Variants in TMEM120B observed in about 807,000 individuals in gnomAD.
The protein encoded by TMEM120B is transmembrane protein 120B.
A neutral mutation model predicts 55.5 loss-of-function variants in TMEM120B; 31 were observed. That is an observed-to-expected ratio of 0.56 (90% CI 0.42 to 0.75). TMEM120B has a LOEUF of 0.75. TMEM120B is among the 30% of genes least tolerant of loss of function. TMEM120B has a pLI of 0.00. For synonymous variants in TMEM120B, 203 were observed against 176.3 expected (o/e 1.15, Z -1.20); for missense variants, 399 against 425.5 (o/e 0.94, Z 0.55).
At chr12:121,744,508 A>G (rs988881930) in intron 2 of TMEM120B, among the ~76,000 whole-genome samples, 4 of 152,136 alleles carry the variant, frequency 2.6e-5, no homozygotes, top group Non-Finnish European at 5.9e-5. Flanking sequence ...TGCCCTCCCC[A>G]CTGGGGTTGC....
chr12:121,747,165 T>A (rs1873111542), intron 2 of TMEM120B, among the ~76,000 whole-genome samples: 1 of 152,062 alleles, frequency 6.6e-6, no homozygotes, highest in Admixed American at 6.6e-5. Context: ...TTAAGGACTT[T>A]CTGAAAGTCA....
chr12:121,716,147 T>TAA (rs970429226), intron 1 of TMEM120B, among the ~76,000 whole-genome samples: 1 of 142,354 alleles, frequency 7.0e-6, no homozygotes, highest in Non-Finnish European at 1.5e-5. Flanking sequence ...CTACAAACAG[T>TAA]AAAAAAAAAA....
At position 121,724,735 on chromosome 12, in the gene TMEM120B, C is replaced by T. The variant is rs763320850; in HGVS notation, c.69+11771C>T. On this transcript the variant is annotated intron_variant, in intron 1 of 11. Coordinates refer to ENST00000449592, the MANE Select transcript of TMEM120B (RefSeq NM_001080825.2). ...ACGCCATTCTCCTGCCTCAGCCTCT[C>T]GAGTAGCTGGGACTACAGGCGCCCG... Among the ~76,000 whole-genome samples, 64 of 151,624 alleles carry T rather than the reference C, an allele frequency of 4.2e-4. 1 individual carries two copies. The highest frequency in any genetic ancestry group is 1.2e-3 in the East Asian group (6 of 5,146).
At position 121,776,258 on chromosome 12, in the gene TMEM120B, C is replaced by A. The variant is rs1198937965; in HGVS notation, c.*536C>A. ...ATTTTAAGTTCTCAGAGACCCACCG[C>A]GTCTGCCTCGTGCTCTTCTTGCCCC... On this transcript the variant is annotated 3_prime_UTR_variant, in exon 12 of 12. Transcript: ENST00000449592. The A allele has an allele frequency of 2.5e-5, 3 of 118,436 alleles. No homozygotes were observed. The East Asian group carries it at 7.4e-4, about 29-fold the overall frequency. 7.3% of individuals were successfully genotyped at this position (118,436 alleles called of 1,614,324 possible).
At chr12:121,771,170 G>A (rs1045371008) in intron 7 of TMEM120B, among the ~76,000 whole-genome samples, 198 bp downstream of exon 7, 2 of 152,182 alleles carry the variant, frequency 1.3e-5, no homozygotes, top group Non-Finnish European at 2.9e-5. Flanking sequence ...GAATGGTTTC[G>A]GGTGTCCCTG....
At chr12:121,749,693 G>T (rs570816702) in intron 3 of TMEM120B, among the ~76,000 whole-genome samples, 15 of 151,904 alleles carry the variant, frequency 9.9e-5, no homozygotes, top group Non-Finnish European at 1.8e-4. Flanking sequence ...ATCACTTAAG[G>T]TTAGGAGTTC....
intron 2 of TMEM120B, among the ~76,000 whole-genome samples, chr12:121,747,211 C>A (rs1174536042): frequency 1.3e-5 from 2 of 150,866 alleles, no homozygotes; most frequent in Non-Finnish European, 3.0e-5. Context: ...CTCCTCCAAC[C>A]CCGAGAGTTG....
chr12:121,761,764 G>A, intron 6 of TMEM120B, 26 bp downstream of exon 6: 1 of 1,584,530 alleles, frequency 6.3e-7, no homozygotes. Flanking sequence ...GCTTTGTGGG[G>A]AGCACAAGAG....
intron 1 of TMEM120B, among the ~76,000 whole-genome samples, chr12:121,721,001 C>T (rs986113781): frequency 6.6e-6 from 1 of 152,164 alleles, no homozygotes; most frequent in Non-Finnish European, 1.5e-5. Context: ...TCATTAACCT[C>T]ATCTTCCCAC....
intron 1 of TMEM120B, among the ~76,000 whole-genome samples, chr12:121,742,336 G>A (rs900806220): frequency 6.6e-6 from 1 of 152,018 alleles, no homozygotes; most frequent in African/African-American, 2.4e-5. Flanking sequence ...GCCTTGCTTG[G>A]CAGGCAGGGG....
At chr12:121,754,365 T>C (rs1019767641) in intron 5 of TMEM120B, among the ~76,000 whole-genome samples, 119 of 152,248 alleles carry the variant, frequency 7.8e-4, no homozygotes, top group African/African-American at 2.6e-3. Context: ...CCCGAGGGCC[T>C]GGGCGTCTCT....
intron 1 of TMEM120B, among the ~76,000 whole-genome samples, chr12:121,725,242 C>T (rs1294603844): frequency 6.6e-6 from 1 of 152,046 alleles, no homozygotes; most frequent in African/African-American, 2.4e-5. Flanking sequence ...TCTATCAGTG[C>T]CCCCAGCACT....
At chr12:121,729,140 A>G (rs1360123366) in intron 1 of TMEM120B, among the ~76,000 whole-genome samples, 1 of 152,208 alleles carries the variant, frequency 6.6e-6, no homozygotes, top group Admixed American at 6.6e-5. Context: ...GATGTTAACC[A>G]GAAGGGGAAT....
At chr12:121,748,559 C>G in intron 3 of TMEM120B, 117 bp downstream of exon 3, 2 of 696,816 alleles carry the variant, frequency 2.9e-6, no homozygotes, top group Non-Finnish European at 4.8e-6. Context: ...AAGAGGGAAA[C>G]AAGGGCAGGA....
chr12:121,737,368 G>A (rs1319087958), intron 1 of TMEM120B, among the ~76,000 whole-genome samples: 1 of 152,080 alleles, frequency 6.6e-6, no homozygotes, highest in African/African-American at 2.4e-5. Flanking sequence ...AGCTGGGTGT[G>A]GTTGCATGCA....
intron 5 of TMEM120B, 102 bp downstream of exon 5, chr12:121,752,325 G>A (rs1431416839): frequency 1.0e-6 from 1 of 990,610 alleles, no homozygotes; most frequent in Non-Finnish European, 1.6e-6. Context: ...CTGCTTCTGT[G>A]TTGTTTGGCA....
chr12:121,720,261 A>G (rs114614400), intron 1 of TMEM120B, among the ~76,000 whole-genome samples: 264 of 152,274 alleles, frequency 1.7e-3, no homozygotes, highest in African/African-American at 5.7e-3. Context: ...CATACCGTTC[A>G]TGGATTCTGA....
intron 1 of TMEM120B, among the ~76,000 whole-genome samples, chr12:121,729,728 G>A (rs1481583149): frequency 6.6e-6 from 1 of 151,776 alleles, no homozygotes; most frequent in Non-Finnish European, 1.5e-5. Flanking sequence ...GAGCCCAGGA[G>A]TTTGAGGCTG....
At chr12:121,748,485 C>G (rs760904386) in intron 3 of TMEM120B, 43 bp downstream of exon 3, 5 of 1,358,238 alleles carry the variant, frequency 3.7e-6, no homozygotes, top group Non-Finnish European at 5.2e-6. Context: ...AGGCCCATGC[C>G]CAGGCCTAGC....
Sources: allele counts gnomAD v4.1 joint callset (sites outside exome capture counted in the v4.1 genomes callset), GRCh38; gene constraint gnomAD v4.1.1; transcripts MANE v1.5; gene names NCBI Gene and HGNC (gene_info 2026-07-23, HGNC 2026-07-21).